The following USP6NL variants were observed in gnomAD, a reference collection of about 807,000 sequenced individuals.
USP6NL encodes USP6 N-terminal-like protein.
A neutral mutation model predicts 61.9 loss-of-function variants in USP6NL; 26 were observed. The observed-to-expected ratio is 0.42, with a 90% CI of 0.31 to 0.58. The LOEUF is 0.58. USP6NL is among the 20% of genes least tolerant of loss of function. USP6NL has a pLI of 0.16. For missense variants in USP6NL, 1,114 were observed against 1,034.3 expected (o/e 1.08, Z -1.06); for synonymous variants, 432 against 390.1 (o/e 1.11, Z -1.27).
At chr10:11,534,891 C>T (rs1414222773) in intron 2 of USP6NL, among the ~76,000 whole-genome samples, 1 of 152,212 alleles carries the variant, frequency 6.6e-6, no homozygotes, top group Admixed American at 6.5e-5. Context: ...GATCTGCACA[C>T]ACACTCCCCA....
chr10:11,511,741 A>G lies in USP6NL; in HGVS notation c.196-2066T>C, dbSNP rs1004547797. On this transcript the variant is annotated intron_variant, in intron 5 of 14. Transcript: ENST00000609104. This position sits in a 1 kb window ranked among gnomAD's most constrained non-coding sequence, Gnocchi z 4.9. ...TACATTCCCACGCTGCAAGAACAAA[A>G]CACACACATACACATACAAAAAAAA... Among the ~76,000 whole-genome samples, 1 of 152,132 alleles carries G rather than the reference A, an allele frequency of 6.6e-6. No individual in the cohort carries two copies. Among genetic ancestry groups the G allele is most frequent in the African/African-American group, 2.4e-5 (1 of 41,438 alleles).
At chr10:11,577,559 G>A (rs1361773553) in intron 2 of USP6NL, among the ~76,000 whole-genome samples, 1 of 152,202 alleles carries the variant, frequency 6.6e-6, no homozygotes, top group African/African-American at 2.4e-5. Flanking sequence ...GGAGTGCAAT[G>A]GCGCAATCTC....
intron 4 of USP6NL, among the ~76,000 whole-genome samples, chr10:11,522,069 A>C (rs61844566): frequency 6.6e-6 from 1 of 152,254 alleles, no homozygotes; most frequent in African/African-American, 2.4e-5. Context: ...AGTACTAAAC[A>C]AAGAGGTTGC....
At chr10:11,570,052 T>C (rs1196473888) in intron 2 of USP6NL, among the ~76,000 whole-genome samples, 1 of 152,198 alleles carries the variant, frequency 6.6e-6, no homozygotes, top group Non-Finnish European at 1.5e-5. Context: ...TTCCCTAAGC[T>C]AGCTAGCTAG....
intron 2 of USP6NL, among the ~76,000 whole-genome samples, chr10:11,569,643 A>C (rs775415051): frequency 1.2e-4 from 18 of 152,202 alleles, no homozygotes; most frequent in Non-Finnish European, 2.1e-4. Flanking sequence ...CTGGAGAAGG[A>C]GGGAAAAACT....
chr10:11,473,293 A>G lies in USP6NL; in HGVS notation c.1078+8477T>C, dbSNP rs542391326. Among the ~76,000 whole-genome samples, 16 of 152,344 alleles carry G rather than the reference A, an allele frequency of 1.1e-4. No individual in the cohort carries two copies. In the South Asian group the frequency reaches 3.1e-3, roughly 30 times the overall value. ...GTGTATTAGGTGCTGGTGAGGCAGG[A>G]GCCGGTTACTGTCCCAGGGAACTTT... On this transcript the variant is annotated intron_variant, in intron 14 of 14. Coordinates refer to ENST00000609104, the MANE Select transcript of USP6NL (RefSeq NM_014688.5).
rs7903007 is a variant in USP6NL, at chr10:11,474,706, T to A, written c.1078+7064A>T. Among the ~76,000 whole-genome samples the A allele has an allele frequency of 0.22, 33,046 of 151,818 alleles. 3,966 individuals are homozygous for A. The highest frequency in any genetic ancestry group is 0.51 in the East Asian group (2,636 of 5,134). ...TTGTCCTTGAATTAATGATTTTTTT[T>A]AAAAAAAACTTGCATCAACAAATGA... On this transcript the variant is annotated intron_variant, in intron 14 of 14. Coordinates refer to ENST00000609104, the MANE Select transcript of USP6NL (RefSeq NM_014688.5). The surrounding 1 kb of genome is among the most constrained non-coding windows in gnomAD (Gnocchi z 4.9).
chr10:11,516,369 C>A (rs1333201678), intron 5 of USP6NL, among the ~76,000 whole-genome samples: 1 of 152,198 alleles, frequency 6.6e-6, no homozygotes, highest in African/African-American at 2.4e-5. Context: ...GCAAGGCTAT[C>A]ATTTCTAGAC....
chr10:11,462,869 G>T lies in USP6NL; in HGVS notation c.2059C>A (p.Arg687Ser). ...GACGGCAGTACAAGGGGGCTTGGGC[G>T]GCTGTAAGATTTCTCCGGAGAAGCA... ...VSASPEKSYS[R>S]PSPLVLPSSR... Residue 687 changes from arginine to serine, a missense_variant, in exon 15 of 15, where the codon CGC (arginine) becomes AGC (serine). Coordinates refer to ENST00000609104, the MANE Select transcript of USP6NL (RefSeq NM_014688.5). 6.2e-7 allele frequency: 1 copy of T among 1,613,738 alleles called. No individual in the cohort carries two copies. The highest frequency in any genetic ancestry group is 8.5e-7 in the Non-Finnish European group (1 of 1,179,832).
In USP6NL at chr10:11,462,519, T is replaced by TG; in HGVS notation, c.2408dup (p.Tyr804IlefsTer58). 1 of 1,614,032 alleles carries TG rather than the reference T, an allele frequency of 6.2e-7. No homozygotes were observed. Among genetic ancestry groups the TG allele is most frequent in the South Asian group, 1.1e-5 (1 of 91,082 alleles). On this transcript the variant is annotated frameshift_variant, in exon 15 of 15. Transcript: ENST00000609104. LOFTEE classifies it high-confidence loss of function. ...AGGCTGGAGGCGGGGGCCCTGAATA[T>TG]GGATATCCAGATGGACTGGCATCTT... is the stretch of plus-strand genomic sequence containing the variant.
At chr10:11,514,145 C>A (rs568145480) in intron 5 of USP6NL, among the ~76,000 whole-genome samples, 1 of 152,150 alleles carries the variant, frequency 6.6e-6, no homozygotes, top group African/African-American at 2.4e-5. Context: ...GAATAATCCA[C>A]GTGATATACT....
intron 2 of USP6NL, among the ~76,000 whole-genome samples, chr10:11,568,537 G>C (rs1837250402): frequency 6.6e-6 from 1 of 152,144 alleles, no homozygotes; most frequent in African/African-American, 2.4e-5. Flanking sequence ...AAAGTACTTT[G>C]TAACAGTGTT....
chr10:11,470,677 A>G lies in USP6NL; in HGVS notation c.1079-6828T>C, dbSNP rs530034531. Among the ~76,000 whole-genome samples, 4 of 152,338 alleles carry G rather than the reference A, an allele frequency of 2.6e-5. No homozygotes were observed. Among genetic ancestry groups the G allele is most frequent in the African/African-American group, 9.6e-5 (4 of 41,574 alleles). On this transcript the variant is annotated intron_variant, in intron 14 of 14. Transcript: ENST00000609104. The surrounding 1 kb of genome is among the most constrained non-coding windows in gnomAD (Gnocchi z 5.4). ...CACTGCTCTACTTGTCTTTGGTTTA[A>G]ATATCTCCTTTCACCCCTAAGCAAC...
rs1012101081 is a variant in USP6NL, at chr10:11,490,112, T to A, written c.543+720A>T. The stretch of plus-strand genomic sequence containing the variant: ...AGGCCCAACTAGTGCTTCCTTCCTA[T>A]GAGATGTCCCTTTAAAAACCCCTTT... On this transcript the variant is annotated intron_variant, in intron 9 of 14. Transcript: ENST00000609104. The surrounding 1 kb of genome is among the most constrained non-coding windows in gnomAD (Gnocchi z 4.5). 6.6e-6 allele frequency among the ~76,000 whole-genome samples: 1 copy of A among 152,218 alleles called. No individual in the cohort carries two copies. Among genetic ancestry groups the A allele is most frequent in the Non-Finnish European group, 1.5e-5 (1 of 68,032 alleles).
chr10:11,593,614 A>G (rs1412305500), intron 2 of USP6NL, among the ~76,000 whole-genome samples: 1 of 152,268 alleles, frequency 6.6e-6, no homozygotes, highest in African/African-American at 2.4e-5. Context: ...AGTACAATCC[A>G]CAATGAAATG....
In USP6NL at chr10:11,462,358, A is replaced by G; in HGVS notation, c.*83T>C. ...ATGTGCGAGTTGTTTACAATAGTATAAATACTGCTTTGGCAATTATGAACA... is the reference window on the plus strand; with the variant it reads ...ATGTGCGAGTTGTTTACAATAGTATGAATACTGCTTTGGCAATTATGAACA... On this transcript the variant is annotated 3_prime_UTR_variant, in exon 15 of 15. Coordinates refer to ENST00000609104, the MANE Select transcript of USP6NL (RefSeq NM_014688.5). The G allele has an allele frequency of 6.9e-7, 1 of 1,458,552 alleles. No individual in the cohort carries two copies. Among genetic ancestry groups the G allele is most frequent in the East Asian group, 2.4e-5 (1 of 42,494 alleles). 90.4% of individuals were successfully genotyped at this position (1,458,552 alleles called of 1,614,324 possible).
Position 11,485,649 on chromosome 10 carries a change from A to G in USP6NL, c.759+168T>C, listed in dbSNP as rs1037988397. ...AACTGTGATAGCCTGTCAATATTAA[A>G]TTTTACAAATCTAATGGTTTGTAAA... On this transcript the variant is annotated intron_variant, in intron 11 of 14. Transcript: ENST00000609104. This position sits in a 1 kb window ranked among gnomAD's most constrained non-coding sequence, Gnocchi z 4.8. 6.6e-6 allele frequency among the ~76,000 whole-genome samples: 1 copy of G among 152,214 alleles called. No homozygotes were observed. The highest frequency in any genetic ancestry group is 1.5e-5 in the Non-Finnish European group (1 of 68,018).
At chr10:11,506,643 T>A (rs142750465) in intron 6 of USP6NL, among the ~76,000 whole-genome samples, 1 of 150,468 alleles carries the variant, frequency 6.6e-6, no homozygotes, top group African/African-American at 2.4e-5. Flanking sequence ...AGACCGTGTC[T>A]CTCAAAAAAA....
In USP6NL at chr10:11,463,170, C is replaced by T. The variant is rs748629510; in HGVS notation, c.1758G>A (p.Pro586=). 3.7e-6 allele frequency: 6 copies of T among 1,613,710 alleles called. No homozygotes were observed. The highest frequency in any genetic ancestry group is 1.1e-5 in the South Asian group (1 of 91,084). ...SPRHALYPPS[P]RKHAEPSSSP... ...TAGAACTTGGCTCAGCGTGCTTTCT[C>T]GGGCTAGGAGGGTAAAGGGCATGCC... Residue 586 remains proline, a synonymous_variant, in exon 15 of 15, where the codon CCG becomes CCA. Coordinates refer to ENST00000609104, the MANE Select transcript of USP6NL (RefSeq NM_014688.5). The surrounding 1 kb of genome is among the most constrained non-coding windows in gnomAD (Gnocchi z 6.3).
Sources: gnomAD v4.1 joint callset for allele counts (sites outside exome capture counted in the v4.1 genomes callset) on GRCh38, gnomAD v4.1.1 for gene constraint, Gnocchi (gnomAD v3.1) non-coding constraint, MANE v1.5 for transcripts, NCBI Gene and HGNC (gene_info 2026-07-23, HGNC 2026-07-21) for gene names.